The following DENND11 variants were observed in gnomAD, a reference collection of about 807,000 sequenced individuals.
DENND11 encodes the protein DENN domain containing 11.
Under a neutral mutation model 49.2 loss-of-function variants are expected in DENND11, and 34 were observed. That is an observed-to-expected ratio of 0.69 (90% CI 0.53 to 0.92). The LOEUF is 0.92. DENND11 is among the 40% of genes least tolerant of loss of function. DENND11 has a pLI of 0.00. For missense variants in DENND11, 475 were observed against 581.6 expected, an observed-to-expected ratio of 0.82 and a Z score of 1.88; for synonymous variants, 238 against 230.3, an observed-to-expected ratio of 1.03 and a Z score of -0.30.
At chr7:141,663,818 C>T (rs545596169) in intron 8 of DENND11, 27 of 239,500 alleles carry the variant, frequency 1.1e-4, no homozygotes, top group Middle Eastern at 1.3e-3. Context: ...TAATATTCAG[C>T]GCAAGGAACT....
rs1053403536 is a variant in DENND11, at chr7:141,674,140, G to A, written c.608C>T (p.Pro203Leu). The A allele has an allele frequency of 4.4e-6, 7 of 1,582,922 alleles. No homozygotes were observed. The African/African-American group carries it at 6.7e-5, about 15-fold the overall frequency. ...EDKKGVLHAGPGRGSSLPPVY... is the reference protein window; with the variant it reads ...EDKKGVLHAGLGRGSSLPPVY... ...AGGGGGCAGGCTGCTGCCTCTGCCG[G>A]GACCAGCATGGAGCACCCCCTTTTT... The change falls in exon 4 of 9, where the codon CCC becomes CTC. Residue 203 changes from proline to leucine, a missense_variant. Pro to Leu is a moderately conservative substitution (Grantham distance 98). Transcript: ENST00000536163.
chr7:141,664,051 G>A (rs12539833), intron 8 of DENND11, 121 bp downstream of exon 8: 14,532 of 799,322 alleles, frequency 0.018, 304 homozygotes, highest in Admixed American at 0.085. Context: ...CCGGCTCTAA[G>A]TGCCCTTGGC....
chr7:141,683,321 A>G (rs569048784), intron 3 of DENND11, among the ~76,000 whole-genome samples: 1 of 152,348 alleles, frequency 6.6e-6, no homozygotes, highest in South Asian at 2.1e-4. Context: ...CTATCCCAGA[A>G]CATACTGATA....
At chr7:141,663,566 T>A (rs1427646902) in intron 8 of DENND11, 3 of 152,234 alleles carry the variant, frequency 2.0e-5, no homozygotes, top group Non-Finnish European at 2.9e-5. Flanking sequence ...AGTCCACTAT[T>A]AGAATCAAGG....
rs1020988516 is a variant in DENND11 at position 141,657,708 on chromosome 7, T to C, written c.*4948A>G. Reference sequence around the variant, plus strand: ...TATTAGCTCTAAAAGCCCCACAGTATGCTAAAAATCGAAAATAAATTCTAA... The same window carrying C: ...TATTAGCTCTAAAAGCCCCACAGTACGCTAAAAATCGAAAATAAATTCTAA... On this transcript the variant is annotated 3_prime_UTR_variant, in exon 9 of 9. Transcript: ENST00000536163. 3 of 152,454 alleles carry C rather than the reference T, an allele frequency of 2.0e-5. No homozygotes were observed. Among genetic ancestry groups the C allele is most frequent in the Admixed American group, 1.3e-4 (2 of 15,274 alleles). 9.4% of individuals were successfully genotyped at this position (152,454 alleles called of 1,614,324 possible).
chr7:141,682,743 C>T lies in DENND11; in HGVS notation c.527+2735G>A, dbSNP rs145992367. Among the ~76,000 whole-genome samples, 1,285 of 152,220 alleles carry T rather than the reference C, an allele frequency of 8.4e-3. 11 individuals are homozygous for T. The highest frequency in any genetic ancestry group is 0.013 in the Non-Finnish European group (887 of 68,004). ...TGAGCAATAATCTTTTATCGTAATC[C>T]GGCCATAGTAATTTTGGGCCTCTGT... On this transcript the variant is annotated intron_variant, in intron 3 of 8. Transcript: ENST00000536163.
rs1797784530 is a variant in DENND11, at chr7:141,661,037, A to G, written c.*1619T>C. On this transcript the variant is annotated 3_prime_UTR_variant, in exon 9 of 9. Coordinates refer to ENST00000536163, the MANE Select transcript of DENND11 (RefSeq NM_001080392.2). ...AATTTCTTCAGTTTTGATATTCCAT[A>G]TGAAGGAGCTACAGTGAAAACACTT... 1 of 152,214 alleles carries G rather than the reference A, an allele frequency of 6.6e-6. No homozygotes were observed. The highest frequency in any genetic ancestry group is 1.5e-5 in the Non-Finnish European group (1 of 68,028). 9.4% of individuals were successfully genotyped at this position (152,214 alleles called of 1,614,324 possible).
chr7:141,677,242 A>T (rs1395769614), intron 3 of DENND11, among the ~76,000 whole-genome samples: 9 of 151,822 alleles, frequency 5.9e-5, no homozygotes, highest in African/African-American at 2.2e-4. Context: ...CCTGGCCAAC[A>T]TGGTGAAACC....
chr7:141,669,285 T>C (rs1412771609), intron 4 of DENND11, among the ~76,000 whole-genome samples: 2 of 150,428 alleles, frequency 1.3e-5, no homozygotes, highest in African/African-American at 4.9e-5. Context: ...TTGCCCTGTG[T>C]GGCCCAGGCT....
At chr7:141,698,501 T>C (rs546617949) in intron 1 of DENND11, among the ~76,000 whole-genome samples, 2 of 152,248 alleles carry the variant, frequency 1.3e-5, no homozygotes, top group Admixed American at 1.3e-4. Flanking sequence ...ACTGAGTGTA[T>C]GTGTAAGCCT....
chr7:141,673,977 A>C lies in DENND11; in HGVS notation c.681+90T>G. 6.3e-6 allele frequency: 9 copies of C among 1,433,148 alleles called. No homozygotes were observed. In the South Asian group the frequency reaches 1.1e-4, roughly 17 times the overall value. The allele number at this position is 1,433,148 out of a possible 1,614,324, so 88.8% of individuals were successfully genotyped here. ...TAGACATTTTGTATGATCCAAAGAC[A>C]TAAATTTTTTATTCATTAAAAAGTA... On this transcript the variant is annotated intron_variant, in intron 4 of 8. Transcript: ENST00000536163.
At chr7:141,662,895 T>C (rs1797825263) in intron 8 of DENND11, 44 bp from the exon 9 acceptor site, 1 of 1,419,022 alleles carries the variant, frequency 7.0e-7, no homozygotes. Context: ...CGGGGGGGAA[T>C]AAAAAGCTCA....
At chr7:141,676,736 G>A (rs1457526114) in intron 3 of DENND11, among the ~76,000 whole-genome samples, 1 of 152,202 alleles carries the variant, frequency 6.6e-6, no homozygotes, top group Non-Finnish European at 1.5e-5. Context: ...GGCTCAGAGT[G>A]CTGGATGATA....
At chr7:141,674,920 C>G (rs1798041898) in intron 3 of DENND11, among the ~76,000 whole-genome samples, 1 of 152,140 alleles carries the variant, frequency 6.6e-6, no homozygotes, top group South Asian at 2.1e-4. Flanking sequence ...GTGGAGAATC[C>G]TGCCCCCCAG....
chr7:141,662,812 C>T lies in DENND11; in HGVS notation c.1212G>A (p.Leu404=). The part of the protein sequence containing the change: ...LEQNNRIFQT[L]LEVSASQDKT... Reference sequence around the variant, plus strand: ...TGTCTTGACTGGCAGACACCTCCAACAAAGTCTGAAATATCCGGTTGTTTT... The same window carrying T: ...TGTCTTGACTGGCAGACACCTCCAATAAAGTCTGAAATATCCGGTTGTTTT... The change falls in exon 9 of 9, where the codon TTG becomes TTA. Residue 404 remains leucine, a synonymous_variant. Transcript: ENST00000536163. 6.3e-7 allele frequency: 1 copy of T among 1,588,080 alleles called. No homozygotes were observed. Among genetic ancestry groups the T allele is most frequent in the Non-Finnish European group, 8.6e-7 (1 of 1,166,716 alleles).
At chr7:141,686,901 G>A (rs1283431892) in intron 1 of DENND11, among the ~76,000 whole-genome samples, 1 of 152,126 alleles carries the variant, frequency 6.6e-6, no homozygotes, top group East Asian at 1.9e-4. Flanking sequence ...TCCCTCATGA[G>A]GATGCTGCGT....
At chr7:141,698,202 G>A (rs1337014222) in intron 1 of DENND11, among the ~76,000 whole-genome samples, 1 of 152,242 alleles carries the variant, frequency 6.6e-6, no homozygotes, top group Non-Finnish European at 1.5e-5. Context: ...CAGCCACACG[G>A]TGATACCGCT....
At chr7:141,695,204 G>A (rs1021208088) in intron 1 of DENND11, among the ~76,000 whole-genome samples, 3 of 152,054 alleles carry the variant, frequency 2.0e-5, no homozygotes, top group Non-Finnish European at 4.4e-5. Context: ...CATGTTATAG[G>A]GGATATGACT....
At chr7:141,664,099 T>G in intron 8 of DENND11, 73 bp downstream of exon 8, 1 of 1,227,032 alleles carries the variant, frequency 8.1e-7, no homozygotes, top group Non-Finnish European at 1.2e-6. Flanking sequence ...GTGAATGACA[T>G]GGGAGGGATG....
Sources: allele counts gnomAD v4.1 joint callset (sites outside exome capture counted in the v4.1 genomes callset), GRCh38; gene constraint gnomAD v4.1.1; transcripts MANE v1.5; gene names NCBI Gene and HGNC (gene_info 2026-07-23, HGNC 2026-07-21).